Variants in NLRC4 observed in about 807,000 individuals in gnomAD.
NLRC4 encodes the protein NLR family CARD domain-containing protein 4.
A neutral mutation model predicts 79.9 loss-of-function variants in NLRC4; 63 were observed. The observed-to-expected ratio is 0.79, with a 90% CI of 0.64 to 0.97. The LOEUF (loss-of-function observed/expected upper bound fraction) is 0.97. Ranked by LOEUF, NLRC4 falls within the 50% of genes least tolerant of loss-of-function variation. The pLI is 0.00. For missense variants in NLRC4, 1,074 were observed against 1,215.2 expected (o/e 0.88, Z 1.73); for synonymous variants, 461 against 456.5 (o/e 1.01, Z -0.12).
intron 8 of NLRC4, among the ~76,000 whole-genome samples, chr2:32,228,338 G>A (rs1686451450): frequency 6.6e-6 from 1 of 152,110 alleles, no homozygotes; most frequent in Non-Finnish European, 1.5e-5. Flanking sequence ...CCCGGGAAAA[G>A]GCCCTACAAA....
Position 32,256,763 on chromosome 2 carries a change from T to G in NLRC4, c.1+12A>C, listed in dbSNP as rs1368263968. The G allele has an allele frequency of 1.3e-6, 1 of 780,850 alleles. No homozygotes were observed. Among genetic ancestry groups the G allele is most frequent in the African/African-American group, 1.7e-5 (1 of 59,150 alleles). The allele number at this position is 780,850 out of a possible 1,614,324, so 48.4% of individuals were successfully genotyped here. Reference sequence around the variant, plus strand: ...TGTATAACCAGGCAGATGTTATTTCTCATATACTTACTTGTTCTGGATGAA... The same window carrying G: ...TGTATAACCAGGCAGATGTTATTTCGCATATACTTACTTGTTCTGGATGAA... On this transcript the variant is annotated intron_variant, in intron 2 of 8. Transcript: ENST00000402280.
chr2:32,254,433 G>T (rs1019121237), intron 2 of NLRC4, among the ~76,000 whole-genome samples: 1 of 151,836 alleles, frequency 6.6e-6, no homozygotes, highest in African/African-American at 2.4e-5. Flanking sequence ...GCCAGGTCTT[G>T]AGGGTAGCTG....
intron 8 of NLRC4, among the ~76,000 whole-genome samples, chr2:32,234,022 G>C (rs56861054): frequency 0.33 from 49,594 of 152,028 alleles, 8,301 homozygotes; most frequent in Non-Finnish European, 0.36. Flanking sequence ...CTCTGGAGAT[G>C]GATGTTGTGA....
In NLRC4 at chr2:32,238,262, A is replaced by G. The variant is rs779700770; in HGVS notation, c.2391T>C (p.His797=). The change falls in exon 6 of 9, where the codon CAT becomes CAC. Residue 797 remains histidine (H), a synonymous_variant. Coordinates refer to ENST00000402280, the MANE Select transcript of NLRC4 (RefSeq NM_001199138.2). ...LKNLKKMCLF[H]LTHLSDIGEG... ...CTCCAATGTCAGACAAGTGGGTCAA[A>G]TGAAATAAACACATCTTCTTCAGGT... 15 of 1,612,876 alleles carry G rather than the reference A, an allele frequency of 9.3e-6. No homozygotes were observed. Among genetic ancestry groups the G allele is most frequent in the Non-Finnish European group, 1.3e-5 (15 of 1,179,650 alleles).
At chr2:32,253,964 CAAA>C (rs71407436) in intron 2 of NLRC4, among the ~76,000 whole-genome samples, 26 of 107,906 alleles carry the variant, frequency 2.4e-4, no homozygotes, top group African/African-American at 6.6e-4. Flanking sequence ...AACTCTGTCT[CAAA>C]AAAAAAAAAA....
intron 4 of NLRC4, among the ~76,000 whole-genome samples, chr2:32,249,233 C>T (rs868139799): frequency 1.2e-4 from 19 of 152,324 alleles, no homozygotes; most frequent in Middle Eastern, 6.8e-3. Flanking sequence ...GTGCAGCCCA[C>T]GGACTGCAGG....
Position 32,236,248 on chromosome 2 carries a change from C to G in NLRC4, c.2613G>C (p.Leu871=). ...TTTTGGCTGAATTGTCATTCTTACTCAGTTCATGAAGAGCTTCATTTCCAT... is the reference window on the plus strand; with the variant it reads ...TTTTGGCTGAATTGTCATTCTTACTGAGTTCATGAAGAGCTTCATTTCCAT... The part of the protein sequence containing the change: ...EKDGNEALHE[L]IDRMNVLEQL... Residue 871 remains leucine (L), a splice_region_variant and synonymous_variant, in exon 7 of 9, where the codon CTG becomes CTC. Transcript: ENST00000402280. 1 of 1,586,352 alleles carries G rather than the reference C, an allele frequency of 6.3e-7. No individual in the cohort carries two copies. Among genetic ancestry groups the G allele is most frequent in the South Asian group, 1.1e-5 (1 of 88,910 alleles).
chr2:32,242,847 G>C (rs776668540), intron 4 of NLRC4, among the ~76,000 whole-genome samples: 1 of 152,154 alleles, frequency 6.6e-6, no homozygotes, highest in Non-Finnish European at 1.5e-5. Flanking sequence ...AGGAGTTTGA[G>C]ACCAGCCTGG....
At position 32,250,234 on chromosome 2, in the gene NLRC4, C is replaced by G. The variant is rs774546369; in HGVS notation, c.1630G>C (p.Glu544Gln). The change falls in exon 4 of 9, where the codon GAA becomes CAA. Residue 544 changes from glutamate (E) to glutamine (Q), a missense_variant. Glu to Gln is a conservative substitution (Grantham distance 29). Coordinates refer to ENST00000402280, the MANE Select transcript of NLRC4 (RefSeq NM_001199138.2). This position sits in a 1 kb window ranked among gnomAD's most constrained non-coding sequence, Gnocchi z 4.9. ...LQSVKNTTEQ[E>Q]ILKAININSF... ...TTGATGTTTATGGCTTTCAGAATTTCTTGCTCAGTGGTGTTTTTCACACTT... is the reference window on the plus strand; with the variant it reads ...TTGATGTTTATGGCTTTCAGAATTTGTTGCTCAGTGGTGTTTTTCACACTT... 1 of 1,614,178 alleles carries G rather than the reference C, an allele frequency of 6.2e-7. No homozygotes were observed. The highest frequency in any genetic ancestry group is 8.5e-7 in the Non-Finnish European group (1 of 1,180,042).
chr2:32,264,439 A>G (rs1037827565), intron 1 of NLRC4, among the ~76,000 whole-genome samples: 3 of 151,296 alleles, frequency 2.0e-5, no homozygotes, highest in African/African-American at 7.3e-5. Context: ...GTCTCAAAAA[A>G]AAAAAAAAAA....
rs199476293 is a variant in NLRC4 at position 32,252,809 on chromosome 2, G to C, written c.2-130C>G. 674 of 676,684 alleles carry C rather than the reference G, an allele frequency of 1.0e-3. 3 individuals are homozygous for C. In the African/African-American group the frequency reaches 0.011, roughly 11 times the overall value. The allele number at this position is 676,684 out of a possible 1,614,324, so 41.9% of individuals were successfully genotyped here. A position where few individuals can be genotyped will look rare whatever the true frequency, so the allele number is the denominator to read the frequency against. ...CGAGGCGGGCAGATCACGAGGTCAG[G>C]AGATCGAGACCATCCTGGCTAACAC... On this transcript the variant is annotated intron_variant, in intron 2 of 8. Transcript: ENST00000402280.
At chr2:32,258,526 CT>C (rs1193710726) in intron 1 of NLRC4, among the ~76,000 whole-genome samples, 1 of 152,162 alleles carries the variant, frequency 6.6e-6, no homozygotes, top group East Asian at 1.9e-4. Flanking sequence ...CCCTTCCCCC[CT>C]TCCCTATCAA....
intron 1 of NLRC4, among the ~76,000 whole-genome samples, chr2:32,260,049 C>A (rs184113552): frequency 6.6e-6 from 1 of 151,552 alleles, no homozygotes; most frequent in Non-Finnish European, 1.5e-5. Flanking sequence ...GCCAACATGG[C>A]GAAACCCTGT....
rs999568080 is a variant in NLRC4 at position 32,249,742 on chromosome 2, G to A, written c.2122C>T (p.Leu708Phe). 6 of 1,614,174 alleles carry A rather than the reference G, an allele frequency of 3.7e-6. No homozygotes were observed. The highest frequency in any genetic ancestry group is 1.1e-5 in the South Asian group (1 of 91,082). The change falls in exon 4 of 9, where the codon CTC becomes TTC. Residue 708 changes from leucine (L) to phenylalanine (F), a missense_variant. Transcript: ENST00000402280. ...AGVAGSLSLV[L>F]STCKNIYSLM... ...GAATAAATGTTCTTACAGGTGCTGA[G>A]GACCAAACTGAGGCTTCCAGCCACA...
intron 1 of NLRC4, among the ~76,000 whole-genome samples, chr2:32,263,719 T>C (rs995338102): frequency 1.3e-5 from 2 of 152,248 alleles, no homozygotes; most frequent in Non-Finnish European, 2.9e-5. Flanking sequence ...ACCTTGGTCT[T>C]GGACTTGCAG....
chr2:32,256,708 A>G (rs925624559), intron 2 of NLRC4, 67 bp downstream of exon 2: 1 of 733,480 alleles, frequency 1.4e-6, no homozygotes, highest in Non-Finnish European at 2.5e-6. Flanking sequence ...CTGATTTTCC[A>G]TTTAAAATCA....
chr2:32,241,415 C>A (rs189896004), intron 4 of NLRC4, among the ~76,000 whole-genome samples: 2 of 120,716 alleles, frequency 1.7e-5, no homozygotes, highest in Non-Finnish European at 3.2e-5. Context: ...CTTGCTCTGT[C>A]GCCCAGGCTA....
At chr2:32,235,639 G>A in intron 7 of NLRC4, 71 bp from the exon 8 acceptor site, 1 of 1,256,758 alleles carries the variant, frequency 8.0e-7, no homozygotes, top group Non-Finnish European at 1.1e-6. Flanking sequence ...GGGTGTTAGG[G>A]GAGGAATGAT....
At chr2:32,235,305 A>T in intron 8 of NLRC4, 96 bp downstream of exon 8, 3 of 840,580 alleles carry the variant, frequency 3.6e-6, no homozygotes, top group Non-Finnish European at 5.9e-6. Context: ...AAAAAGAGGA[A>T]GCAAAATAAA....
Sources: gnomAD v4.1 joint callset for allele counts (sites outside exome capture counted in the v4.1 genomes callset) on GRCh38, gnomAD v4.1.1 for gene constraint, Gnocchi (gnomAD v3.1) non-coding constraint, MANE v1.5 for transcripts, NCBI Gene and HGNC (gene_info 2026-07-23, HGNC 2026-07-21) for gene names.